Variants in FGGY observed in about 807,000 individuals in gnomAD.
The protein encoded by FGGY is FGGY carbohydrate kinase domain-containing protein.
Under a neutral mutation model 71.3 loss-of-function variants are expected in FGGY, and 72 were observed. The observed-to-expected ratio is 1.01, with a 90% CI of 0.84 to 1.23. The LOEUF (loss-of-function observed/expected upper bound fraction) is 1.23, where lower values mean the gene tolerates loss of function less well. Ranked by LOEUF, FGGY falls within the 50% of genes most tolerant of loss-of-function variation. FGGY has a pLI of 0.00. For synonymous variants in FGGY, 251 were observed against 250.3 expected, an observed-to-expected ratio of 1.00 and a Z score of -0.02; for missense variants, 668 against 682.3, an observed-to-expected ratio of 0.98 and a Z score of 0.23.
chr1:59,350,162 T>A (rs1485606896), intron 4 of FGGY, among the ~76,000 whole-genome samples: 1 of 152,186 alleles, frequency 6.6e-6, no homozygotes, highest in East Asian at 1.9e-4. Flanking sequence ...ATGTGTTTAC[T>A]CCTTCTTCAT....
intron 8 of FGGY, among the ~76,000 whole-genome samples, chr1:59,562,071 C>A (rs571098872): frequency 2.2e-4 from 34 of 152,286 alleles, no homozygotes; most frequent in African/African-American, 7.5e-4. Flanking sequence ...ATGATGCAAC[C>A]ATTTTGGAAA....
chr1:59,630,599 G>A (rs1230413164), intron 10 of FGGY, among the ~76,000 whole-genome samples: 1 of 152,200 alleles, frequency 6.6e-6, no homozygotes, highest in African/African-American at 2.4e-5. Flanking sequence ...GAACATTTTA[G>A]TGTGTAACAC....
chr1:59,705,270 G>A (rs1008926019), intron 14 of FGGY, among the ~76,000 whole-genome samples: 2 of 152,056 alleles, frequency 1.3e-5, no homozygotes, highest in Non-Finnish European at 2.9e-5. Context: ...ACTTTTATCT[G>A]TGAATCTCTT....
At chr1:59,656,317 G>T (rs960843209) in intron 11 of FGGY, among the ~76,000 whole-genome samples, 6 of 152,108 alleles carry the variant, frequency 3.9e-5, no homozygotes, top group African/African-American at 1.4e-4. Context: ...AGTTCATCTG[G>T]CCTATCCTAG....
intron 3 of FGGY, among the ~76,000 whole-genome samples, chr1:59,341,946 C>A (rs1236035013): frequency 6.6e-6 from 1 of 152,000 alleles, no homozygotes; most frequent in Non-Finnish European, 1.5e-5. Context: ...AGTTAAAAGC[C>A]TGGAGAGCAA....
At chr1:59,558,025 A>G (rs760792323) in intron 8 of FGGY, among the ~76,000 whole-genome samples, 17 of 152,172 alleles carry the variant, frequency 1.1e-4, no homozygotes, top group Admixed American at 7.9e-4. Context: ...ACTCAAAGAC[A>G]TAGGCTCATA....
chr1:59,606,243 T>A (rs2096622300), intron 8 of FGGY, among the ~76,000 whole-genome samples: 1 of 152,204 alleles, frequency 6.6e-6, no homozygotes, highest in South Asian at 2.1e-4. Flanking sequence ...CTCCCTCTAC[T>A]TGGAACACCT....
chr1:59,614,341 A>G (rs922094686), intron 9 of FGGY, among the ~76,000 whole-genome samples: 1 of 152,252 alleles, frequency 6.6e-6, no homozygotes. Context: ...AGACTGGTTC[A>G]ACATATGCAA....
intron 14 of FGGY, among the ~76,000 whole-genome samples, chr1:59,742,969 A>G (rs1190910018): frequency 1.3e-5 from 2 of 152,196 alleles, no homozygotes; most frequent in Non-Finnish European, 2.9e-5. Flanking sequence ...TACCAGAGTG[A>G]TCTTTAACAA....
At chr1:59,617,005 T>C (rs565528003) in intron 9 of FGGY, among the ~76,000 whole-genome samples, 23 of 152,300 alleles carry the variant, frequency 1.5e-4, no homozygotes, top group African/African-American at 4.8e-4. Context: ...AATTCTTGTT[T>C]ATTCTCTTGT....
At chr1:59,655,246 G>T (rs1426895048) in intron 11 of FGGY, among the ~76,000 whole-genome samples, 4 of 152,162 alleles carry the variant, frequency 2.6e-5, no homozygotes, top group Non-Finnish European at 5.9e-5. Flanking sequence ...GAAACGGAAA[G>T]AAAATGAATA....
chr1:59,485,951 C>A (rs2093646019), intron 6 of FGGY, among the ~76,000 whole-genome samples: 2 of 152,148 alleles, frequency 1.3e-5, no homozygotes, highest in African/African-American at 4.8e-5. Flanking sequence ...TGACAACATT[C>A]TAAAAACAAG....
At chr1:59,300,159 T>C (rs187555836) in intron 1 of FGGY, among the ~76,000 whole-genome samples, 12 of 152,280 alleles carry the variant, frequency 7.9e-5, no homozygotes, top group Admixed American at 7.2e-4. Context: ...AAACTACGTA[T>C]TGAGAGTGTC....
chr1:59,711,883 C>A (rs2100290363), intron 14 of FGGY, among the ~76,000 whole-genome samples: 1 of 152,246 alleles, frequency 6.6e-6, no homozygotes, highest in South Asian at 2.1e-4. Flanking sequence ...TATCATTCCA[C>A]CCTGGCCCCT....
intron 8 of FGGY, among the ~76,000 whole-genome samples, chr1:59,591,566 G>A (rs570047601): frequency 1.3e-5 from 2 of 152,272 alleles, no homozygotes; most frequent in African/African-American, 2.4e-5. Context: ...AACCAAAAGA[G>A]CATGGTACTG....
chr1:59,503,058 C>T (rs1253458660), intron 6 of FGGY, among the ~76,000 whole-genome samples: 2 of 152,164 alleles, frequency 1.3e-5, no homozygotes, highest in Non-Finnish European at 2.9e-5. Flanking sequence ...GACGCCATAC[C>T]ATGGAGTCAG....
intron 1 of FGGY, among the ~76,000 whole-genome samples, chr1:59,307,386 G>A (rs938852795): frequency 4.6e-5 from 7 of 151,932 alleles, no homozygotes; most frequent in Admixed American, 1.3e-4. Flanking sequence ...CCAAATATTG[G>A]GATTGTAGAA....
rs185138377 is a variant in FGGY at position 59,367,778 on chromosome 1, C to T, written c.466-10971C>T. Among the ~76,000 whole-genome samples, 180 of 152,280 alleles carry T rather than the reference C, an allele frequency of 1.2e-3. 1 individual carries two copies. The highest frequency in any genetic ancestry group is 3.8e-3 in the African/African-American group (160 of 41,562). The stretch of plus-strand genomic sequence containing the variant: ...TCTCTCTGTCCTGAGGCTGGCAGGG[C>T]GGCTGCAGCCTTGAATCTTGGACAT... On this transcript the variant is annotated intron_variant, in intron 4 of 15. Coordinates refer to ENST00000303721, the MANE Select transcript of FGGY (RefSeq NM_018291.5).
intron 5 of FGGY, among the ~76,000 whole-genome samples, chr1:59,438,142 G>C (rs755423907): frequency 6.6e-6 from 1 of 152,170 alleles, no homozygotes; most frequent in African/African-American, 2.4e-5. Context: ...TCCTCACCAA[G>C]GCTTTTAGTT....
Sources: gnomAD v4.1 joint callset for allele counts (sites outside exome capture counted in the v4.1 genomes callset) on GRCh38, gnomAD v4.1.1 for gene constraint, MANE v1.5 for transcripts, NCBI Gene and HGNC (gene_info 2026-07-23, HGNC 2026-07-21) for gene names.